ATP13A4: variants seen among roughly 807,000 people sequenced by gnomAD.
ATP13A4 encodes the protein probable cation-transporting ATPase 13A4.
ATP13A4 carries 114 observed loss-of-function variants against 142.5 expected under a neutral mutation model. The ratio of observed to expected loss-of-function variants is 0.80; its 90% CI spans 0.69 to 0.93. The LOEUF is 0.93. Ranked by LOEUF, ATP13A4 falls within the 40% of genes least tolerant of loss-of-function variation. ATP13A4 has a pLI of 0.00. For synonymous variants in ATP13A4, 488 were observed against 514.8 expected (o/e 0.95, Z 0.70); for missense variants, 1,392 against 1,454.0 (o/e 0.96, Z 0.69).
At chr3:193,427,935 C>A (rs973370127) in intron 25 of ATP13A4, among the ~76,000 whole-genome samples, 3 of 152,122 alleles carry the variant, frequency 2.0e-5, no homozygotes, top group Non-Finnish European at 4.4e-5. Context: ...CCAAAATTAA[C>A]AAATGGGATC....
chr3:193,478,762 A>AT (rs1408620116), intron 8 of ATP13A4, among the ~76,000 whole-genome samples: 1 of 152,140 alleles, frequency 6.6e-6, no homozygotes, highest in African/African-American at 2.4e-5. Context: ...TCCCTAAATC[A>AT]TTTTTTGAAG....
chr3:193,573,288 TACAC>T (rs201324080), intron 2 of ATP13A4, among the ~76,000 whole-genome samples: 1,686 of 76,254 alleles, frequency 0.022, 92 homozygotes, highest in African/African-American at 0.06. Flanking sequence ...TATATATATA[TACAC>T]ATATATATAT....
At chr3:193,558,182 C>T (rs1176014388), upstream of ATP13A4, among the ~76,000 whole-genome samples, 2 of 152,200 alleles carry the variant, frequency 1.3e-5, no homozygotes, top group South Asian at 2.1e-4. Flanking sequence ...CTATGCAATA[C>T]TGTATTTATG....
intron 1 of ATP13A4, among the ~76,000 whole-genome samples, chr3:193,520,197 G>C (rs966857341): frequency 2.0e-5 from 3 of 152,130 alleles, no homozygotes; most frequent in Non-Finnish European, 4.4e-5. Context: ...GGGAGAGAGG[G>C]ATGAAGGGCA....
At chr3:193,591,799 G>T (rs533969207) in intron 1 of ATP13A4, among the ~76,000 whole-genome samples, 7 of 151,550 alleles carry the variant, frequency 4.6e-5, no homozygotes, top group Admixed American at 2.0e-4. Flanking sequence ...TTTCTTTTTT[G>T]TTGTTGTTGT....
chr3:193,577,460 C>T (rs1300739625), intron 2 of ATP13A4, among the ~76,000 whole-genome samples: 2 of 152,202 alleles, frequency 1.3e-5, no homozygotes, highest in African/African-American at 4.8e-5. Flanking sequence ...GCTCAAAACT[C>T]ACAGAACACC....
intron 1 of ATP13A4, among the ~76,000 whole-genome samples, chr3:193,522,159 G>C (rs1318941949): frequency 1.1e-4 from 16 of 151,998 alleles, no homozygotes; most frequent in Admixed American, 7.9e-4. Context: ...TTTGACTCAG[G>C]GTTCCTTTTC....
chr3:193,563,405 T>TA lies in ATP13A4; in HGVS notation n.291+18301dup, dbSNP rs199620296. Among the ~76,000 whole-genome samples, 600 of 152,328 alleles carry TA rather than the reference T, an allele frequency of 3.9e-3. 3 individuals are homozygous for TA. The highest frequency in any genetic ancestry group is 0.017 in the South Asian group (81 of 4,828). On this transcript the variant is annotated intron_variant and non_coding_transcript_variant, in intron 2 of 3. Coordinates refer to the ATP13A4 transcript ENST00000489140. ...ACTCCTAGGCCTAGTATCCTTTTAC[T>TA]AACTACTCATTCCAATGTTAAGAAG...
At chr3:193,513,819 C>T (rs563320175) in intron 2 of ATP13A4, among the ~76,000 whole-genome samples, 3 of 152,316 alleles carry the variant, frequency 2.0e-5, no homozygotes, top group South Asian at 4.1e-4. Flanking sequence ...CAGACAGCAT[C>T]CTCCTCAGAG....
Position 193,576,249 on chromosome 3 carries a change from CTTTTTTTTTTTTTTT to C in ATP13A4, n.291+5443_291+5457del, listed in dbSNP as rs59910562. Among the ~76,000 whole-genome samples, 192 of 54,398 alleles carry C rather than the reference CTTTTTTTTTTTTTTT, an allele frequency of 3.5e-3. 3 individuals are homozygous for C. Among genetic ancestry groups the C allele is most frequent in the Non-Finnish European group, 3.4e-3 (101 of 30,062 alleles). The allele number at this position is 54,398 out of a possible 152,430, so 35.7% of individuals were successfully genotyped here. On this transcript the variant is annotated intron_variant and non_coding_transcript_variant, in intron 2 of 3. Coordinates refer to the ATP13A4 transcript ENST00000489140. ...TCCATGGAATGTGGCTTGAATCAAT[CTTTTTTTTTTTTTTT>C]TTTTTTTTTTTTTTTTTTGAGACGG...
At chr3:193,523,638 G>C (rs1487688426) in intron 1 of ATP13A4, among the ~76,000 whole-genome samples, 1 of 152,204 alleles carries the variant, frequency 6.6e-6, no homozygotes, top group Non-Finnish European at 1.5e-5. Flanking sequence ...AAGCTCCGGT[G>C]CTAGAGTCTT....
chr3:193,577,990 C>T (rs142641660), intron 2 of ATP13A4, among the ~76,000 whole-genome samples: 12 of 152,244 alleles, frequency 7.9e-5, no homozygotes, highest in East Asian at 7.7e-4. Context: ...AACTCAAGTG[C>T]ATAATAAATA....
At chr3:193,423,182 A>T (rs1464670548) in intron 25 of ATP13A4, among the ~76,000 whole-genome samples, 1 of 149,862 alleles carries the variant, frequency 6.7e-6, no homozygotes, top group Non-Finnish European at 1.5e-5. Context: ...AGAAAACATG[A>T]ACAGACCAAT....
chr3:193,513,400 C>T (rs899086653), intron 2 of ATP13A4, among the ~76,000 whole-genome samples: 4 of 152,150 alleles, frequency 2.6e-5, no homozygotes, highest in African/African-American at 9.7e-5. Context: ...GGTTGTCATT[C>T]GGGGCCATGG....
Position 193,476,371 on chromosome 3 carries a change from G to A in ATP13A4, c.809-5378C>T, listed in dbSNP as rs548956831. Among the ~76,000 whole-genome samples, 13 of 152,046 alleles carry A rather than the reference G, an allele frequency of 8.6e-5. 2 individuals are homozygous for A. The highest frequency in any genetic ancestry group is 3.1e-4 in the African/African-American group (13 of 41,416). On this transcript the variant is annotated intron_variant, in intron 8 of 29. Coordinates refer to ENST00000342695, the MANE Select transcript of ATP13A4 (RefSeq NM_032279.4). ...AGTTTTCTTACCTCTCTCAGCCTTC[G>A]TAGAATTAAAGAGTTAGGGCCTGAC... is the stretch of plus-strand genomic sequence containing the variant.
intron 1 of ATP13A4, among the ~76,000 whole-genome samples, chr3:193,515,688 A>C (rs1213690378): frequency 3.9e-5 from 6 of 152,196 alleles, no homozygotes; most frequent in African/African-American, 1.4e-4. Flanking sequence ...ATAAATATAT[A>C]ATCTAGACAA....
chr3:193,561,939 ACTT>A (rs1355602109), intron 2 of ATP13A4, among the ~76,000 whole-genome samples: 3 of 152,146 alleles, frequency 2.0e-5, no homozygotes, highest in East Asian at 3.8e-4. Flanking sequence ...TCATCACTGT[ACTT>A]CTCCCTCCGC....
intron 21 of ATP13A4, among the ~76,000 whole-genome samples, chr3:193,439,393 A>C (rs1237955479): frequency 3.3e-5 from 5 of 152,232 alleles, no homozygotes; most frequent in African/African-American, 1.2e-4. Flanking sequence ...ATTTGAAACC[A>C]GATGCAGATG....
chr3:193,539,709 T>C (rs9814777), intron 1 of ATP13A4, among the ~76,000 whole-genome samples: 20,528 of 152,182 alleles, frequency 0.13, 1,500 homozygotes, highest in Non-Finnish European at 0.16. Flanking sequence ...CAGTTAGTCT[T>C]TGCACCTGTA....
Sources: gnomAD v4.1 joint callset for allele counts (sites outside exome capture counted in the v4.1 genomes callset) on GRCh38, gnomAD v4.1.1 for gene constraint, MANE v1.5 for transcripts, NCBI Gene and HGNC (gene_info 2026-07-23, HGNC 2026-07-21) for gene names.